The following FAM228A variants were observed in gnomAD, a reference collection of about 807,000 sequenced individuals.
The protein encoded by FAM228A is family with sequence similarity 228 member A, also known as protein FAM228A.
In FAM228A, 13 loss-of-function variants were observed where a neutral mutation model predicts 18.6. The observed-to-expected ratio is 0.70, with a 90% CI of 0.45 to 1.11. The LOEUF is 1.11. Among genes scored for constraint, FAM228A ranks in the 50% least tolerant of loss-of-function variants. The pLI, the probability that FAM228A is intolerant of heterozygous loss-of-function variation, is 0.00. For missense variants in FAM228A, 240 were observed against 242.2 expected (o/e 0.99, Z 0.06); for synonymous variants, 77 against 86.6 (o/e 0.89, Z 0.61).
chr2:24,176,263 TAAA>T, intron 2 of FAM228A: 1 of 903,676 alleles, frequency 1.1e-6, no homozygotes, highest in Non-Finnish European at 1.3e-6. Flanking sequence ...CTTCTCCAAA[TAAA>T]TAAATAGATT....
At chr2:24,178,308 T>A (rs10211206) in intron 3 of FAM228A, among the ~76,000 whole-genome samples, 1 of 152,082 alleles carries the variant, frequency 6.6e-6, no homozygotes, top group Non-Finnish European at 1.5e-5. Flanking sequence ...AGAGACGGAG[T>A]TATAATAATA....
chr2:24,185,384 C>G (rs1342927363), intron 5 of FAM228A, among the ~76,000 whole-genome samples: 1 of 152,050 alleles, frequency 6.6e-6, no homozygotes, highest in Non-Finnish European at 1.5e-5. Context: ...AGTTTTGATA[C>G]CTGATAGAAC....
At chr2:24,187,201 TAC>T (rs1205329343) in intron 5 of FAM228A, among the ~76,000 whole-genome samples, 5 of 152,236 alleles carry the variant, frequency 3.3e-5, no homozygotes, top group Non-Finnish European at 7.3e-5. Context: ...AAATATTGTT[TAC>T]AGTTTTCATA....
chr2:24,191,611 C>A lies in FAM228A; in HGVS notation c.*980C>A. ...TCAAGCTTGTTGACATACCCACCAG[C>A]TCACATTTACTGTTTTCGTGTGTGT... is the stretch of plus-strand genomic sequence containing the variant. On this transcript the variant is annotated 3_prime_UTR_variant, in exon 6 of 6. Transcript: ENST00000295150. 1 of 472,724 alleles carries A rather than the reference C, an allele frequency of 2.1e-6. No individual in the cohort carries two copies. The highest frequency in any genetic ancestry group is 2.8e-6 in the Non-Finnish European group (1 of 361,004). The allele number at this position is 472,724 out of a possible 1,614,324, so 29.3% of individuals were successfully genotyped here. A position where few individuals can be genotyped will look rare whatever the true frequency, so the allele number is the denominator to read the frequency against.
At chr2:24,179,985 A>G (rs1437786443) in intron 3 of FAM228A, among the ~76,000 whole-genome samples, 2 of 152,326 alleles carry the variant, frequency 1.3e-5, no homozygotes, top group African/African-American at 2.4e-5. Flanking sequence ...AACAGTTTCT[A>G]TACTCTGTTC....
chr2:24,180,392 C>T (rs1558403135), intron 3 of FAM228A, among the ~76,000 whole-genome samples: 1 of 151,858 alleles, frequency 6.6e-6, no homozygotes, highest in Non-Finnish European at 1.5e-5. Flanking sequence ...GCGGAGGTTG[C>T]AGTGAGCCAT....
rs1667646973 is a variant in FAM228A at position 24,175,136 on chromosome 2, A to C, written c.-53A>C. 1 of 234,998 alleles carries C rather than the reference A, an allele frequency of 4.3e-6. No homozygotes were observed. The highest frequency in any genetic ancestry group is 8.3e-6 in the Non-Finnish European group (1 of 120,766). 14.6% of individuals were successfully genotyped at this position (234,998 alleles called of 1,614,324 possible). Reference sequence around the variant, plus strand: ...CCTCGGGGGAGCCCTACCGGGACGGAGCCGCGGGGCCTGCGACTTCCCCCG... The same window carrying C: ...CCTCGGGGGAGCCCTACCGGGACGGCGCCGCGGGGCCTGCGACTTCCCCCG... On this transcript the variant is annotated 5_prime_UTR_variant, in exon 1 of 6. Transcript: ENST00000295150.
intron 5 of FAM228A, 123 bp downstream of exon 5, chr2:24,183,768 A>T (rs140348949): frequency 3.4e-5 from 27 of 784,284 alleles, no homozygotes; most frequent in Middle Eastern, 3.4e-4. Context: ...TATTATTATC[A>T]TCACCTTTGT....
intron 5 of FAM228A, among the ~76,000 whole-genome samples, chr2:24,190,063 G>A (rs1668043540): frequency 6.6e-6 from 1 of 152,190 alleles, no homozygotes; most frequent in Non-Finnish European, 1.5e-5. Context: ...GTGCTTTCCT[G>A]TGAGTGCTGG....
At chr2:24,182,202 GT>G (rs1667831362) in intron 3 of FAM228A, among the ~76,000 whole-genome samples, 1 of 152,192 alleles carries the variant, frequency 6.6e-6, no homozygotes, top group African/African-American at 2.4e-5. Flanking sequence ...GTAGGTTTCA[GT>G]TTTTCGCTCC....
At chr2:24,186,924 C>T (rs2151047702) in intron 5 of FAM228A, among the ~76,000 whole-genome samples, 1 of 152,296 alleles carries the variant, frequency 6.6e-6, no homozygotes, top group South Asian at 2.1e-4. Context: ...CAGATGTGAG[C>T]CTCTGTGCCC....
chr2:24,184,229 A>T (rs1015348664), intron 5 of FAM228A, among the ~76,000 whole-genome samples: 10 of 152,064 alleles, frequency 6.6e-5, no homozygotes, highest in Non-Finnish European at 1.0e-4. Flanking sequence ...AAAATACAAA[A>T]ATTAGCTGGG....
chr2:24,175,621 T>C lies in FAM228A; in HGVS notation c.93+48T>C, dbSNP rs755275962. The C allele has an allele frequency of 1.1e-5, 15 of 1,384,330 alleles. No individual in the cohort carries two copies. In the Middle Eastern group the frequency reaches 5.4e-4, roughly 50 times the overall value. 85.8% of individuals were successfully genotyped at this position (1,384,330 alleles called of 1,614,324 possible). A position where few individuals can be genotyped will look rare whatever the true frequency, so the allele number is the denominator to read the frequency against. ...GACGTCATTTTGGCGGGGGGACCCCTCGAGTTTGGGAACTGTTTATCTTAA... is the reference window on the plus strand; with the variant it reads ...GACGTCATTTTGGCGGGGGGACCCCCCGAGTTTGGGAACTGTTTATCTTAA... On this transcript the variant is annotated intron_variant, in intron 2 of 5. Coordinates refer to ENST00000295150, the MANE Select transcript of FAM228A (RefSeq NM_001040710.3).
At chr2:24,179,792 T>G (rs1201073987) in intron 3 of FAM228A, among the ~76,000 whole-genome samples, 2 of 151,740 alleles carry the variant, frequency 1.3e-5, no homozygotes, top group African/African-American at 4.8e-5. Flanking sequence ...GCAAAAAGAG[T>G]CCCCAGAGGC....
chr2:24,190,886 T>C lies in FAM228A; in HGVS notation c.*255T>C. 6 of 1,188,406 alleles carry C rather than the reference T, an allele frequency of 5.0e-6. No individual in the cohort carries two copies. The highest frequency in any genetic ancestry group is 6.3e-6 in the Non-Finnish European group (6 of 958,498). 73.6% of individuals were successfully genotyped at this position (1,188,406 alleles called of 1,614,324 possible). On this transcript the variant is annotated 3_prime_UTR_variant, in exon 6 of 6. Coordinates refer to ENST00000295150, the MANE Select transcript of FAM228A (RefSeq NM_001040710.3). Reference sequence around the variant, plus strand: ...AGGGCCAACCTGGCCACAGGGGCTTTTCCCCCTGAGATTTCTTCAGCGCCT... The same window carrying C: ...AGGGCCAACCTGGCCACAGGGGCTTCTCCCCCTGAGATTTCTTCAGCGCCT...
intron 3 of FAM228A, 99 bp downstream of exon 3, chr2:24,177,969 A>C: frequency 1.4e-6 from 1 of 735,562 alleles, no homozygotes; most frequent in Non-Finnish European, 2.2e-6. Flanking sequence ...GATCCAAGAG[A>C]CTCATTTTGC....
chr2:24,180,021 G>A (rs1667778607), intron 3 of FAM228A, among the ~76,000 whole-genome samples: 1 of 152,142 alleles, frequency 6.6e-6, no homozygotes, highest in African/African-American at 2.4e-5. Flanking sequence ...CAAAAATTTG[G>A]TTTCTTAATT....
chr2:24,180,284 G>A (rs1357360050), intron 3 of FAM228A, among the ~76,000 whole-genome samples: 5 of 54,250 alleles, frequency 9.2e-5, no homozygotes, highest in South Asian at 9.4e-4. Flanking sequence ...GCAAAAACCC[G>A]TCTGTACAAA....
chr2:24,188,463 C>A (rs1017295196), intron 5 of FAM228A: 14 of 985,200 alleles, frequency 1.4e-5, no homozygotes, highest in African/African-American at 3.5e-5. Context: ...GTACTCGGGG[C>A]CTGGAGAGTT....
Sources: gnomAD v4.1 joint callset for allele counts (sites outside exome capture counted in the v4.1 genomes callset) on GRCh38, gnomAD v4.1.1 for gene constraint, MANE v1.5 for transcripts, NCBI Gene and HGNC (gene_info 2026-07-23, HGNC 2026-07-21) for gene names.